The following REXO5 variants were observed in gnomAD, a reference collection of about 807,000 sequenced individuals.
REXO5 encodes RNA exonuclease 5.
In REXO5, 48 loss-of-function variants were observed where a neutral mutation model predicts 88.5. The ratio of observed to expected loss-of-function variants is 0.54; its 90% confidence interval spans 0.43 to 0.69. REXO5 has a LOEUF of 0.69. Ranked by LOEUF, REXO5 falls within the 30% of genes least tolerant of loss-of-function variation. The pLI is 0.00. For missense variants in REXO5, 749 were observed against 912.2 expected (o/e 0.82, Z 2.30); for synonymous variants, 311 against 336.5 (o/e 0.92, Z 0.83).
Position 20,827,088 on chromosome 16 carries a change from C to T in REXO5, c.852C>T (p.Asn284=). Residue 284 remains asparagine (N), a synonymous_variant, in exon 9 of 20, where the codon AAC becomes AAT. Transcript: ENST00000261377. The part of the protein sequence containing the change: ...SFSGITKKIL[N]PVTTKLKDVQ... ...CGGGAATCACGAAGAAGATTCTTAA[C>T]CCAGTGACGACCAAACTCAAAGATG... 6.2e-7 allele frequency: 1 copy of T among 1,613,954 alleles called. No individual in the cohort carries two copies. Among genetic ancestry groups the T allele is most frequent in the Non-Finnish European group, 8.5e-7 (1 of 1,179,944 alleles).
intron 2 of REXO5, among the ~76,000 whole-genome samples, chr16:20,811,943 G>A (rs984122939): frequency 6.6e-6 from 1 of 152,132 alleles, no homozygotes; most frequent in African/African-American, 2.4e-5. Flanking sequence ...GAAAGGCTAT[G>A]GCACTGGTCC....
At chr16:20,820,552 T>A (rs1196180732) in intron 5 of REXO5, among the ~76,000 whole-genome samples, 55 of 46,848 alleles carry the variant, frequency 1.2e-3, no homozygotes, top group African/African-American at 2.4e-3. Context: ...ATATTTTTTT[T>A]TTTTTTTTTT....
At chr16:20,843,341 G>C (rs1438833705) in intron 15 of REXO5, among the ~76,000 whole-genome samples, 1 of 152,132 alleles carries the variant, frequency 6.6e-6, no homozygotes, top group East Asian at 1.9e-4. Context: ...TGACACTGCT[G>C]TTAGTGTCCT....
intron 13 of REXO5, 104 bp downstream of exon 13, chr16:20,833,227 C>A: frequency 8.2e-7 from 1 of 1,219,124 alleles, no homozygotes; most frequent in Non-Finnish European, 1.1e-6. Flanking sequence ...GCAACCCTGG[C>A]TACAGTTAGC....
chr16:20,844,174 C>A, intron 16 of REXO5, 148 bp downstream of exon 16: 1 of 597,314 alleles, frequency 1.7e-6, no homozygotes. Flanking sequence ...CTAACATTCT[C>A]CTACTGGCAG....
intron 13 of REXO5, among the ~76,000 whole-genome samples, chr16:20,835,370 T>G (rs1267241528): frequency 6.6e-6 from 1 of 152,186 alleles, no homozygotes; most frequent in Non-Finnish European, 1.5e-5. Context: ...AAAACCATAC[T>G]AAGTACTTAA....
Position 20,811,061 on chromosome 16 carries a change from C to T in REXO5, c.139-2129C>T, listed in dbSNP as rs140217216. 2.0e-3 allele frequency among the ~76,000 whole-genome samples: 302 copies of T among 152,202 alleles called. 2 individuals are homozygous for T. Among genetic ancestry groups the T allele is most frequent in the African/African-American group, 6.9e-3 (288 of 41,526 alleles). On this transcript the variant is annotated intron_variant, in intron 2 of 19. Transcript: ENST00000261377. Reference sequence around the variant, plus strand: ...CCTCCCTTCCTTCCTGTATGGGTGACGTCCTTGTGCTGCTGAGGCTTTGAC... The same window carrying T: ...CCTCCCTTCCTTCCTGTATGGGTGATGTCCTTGTGCTGCTGAGGCTTTGAC...
At position 20,845,133 on chromosome 16, in the gene REXO5, C is replaced by G. The variant is rs1286317931; in HGVS notation, c.2016C>G (p.Ala672=). The G allele has an allele frequency of 8.7e-6, 14 of 1,614,020 alleles. No homozygotes were observed. The highest frequency in any genetic ancestry group is 9.3e-6 in the Non-Finnish European group (11 of 1,180,022). The part of the protein sequence containing the change: ...GKDWKLKGRH[A]LTPRHLHAWL... ...ACTGGAAGCTGAAAGGCAGGCATGC[C>G]CTAACCCCCAGGCACCTCCATGCCT... is the stretch of plus-strand genomic sequence containing the variant. The change falls in exon 18 of 20, where the codon GCC becomes GCG. Residue 672 remains alanine (A), a synonymous_variant. Transcript: ENST00000261377.
Position 20,827,096 on chromosome 16 carries a change from C to A in REXO5, c.860C>A (p.Thr287Lys), listed in dbSNP as rs374659309. 6.2e-7 allele frequency: 1 copy of A among 1,613,934 alleles called. No individual in the cohort carries two copies. The highest frequency in any genetic ancestry group is 1.7e-5 in the Admixed American group (1 of 60,010). ...ACGAAGAAGATTCTTAACCCAGTGA[C>A]GACCAAACTCAAAGATGTACAGAGG... ...GITKKILNPV[T>K]TKLKDVQRQL... Residue 287 changes from threonine (T) to lysine (K), a missense_variant, in exon 9 of 20, where the codon ACG becomes AAG. Transcript: ENST00000261377.
In REXO5 at chr16:20,828,522, G is replaced by A. The variant is rs775129445; in HGVS notation, c.1143G>A (p.Lys381=). ...TILELARYFL[K]HGPKKIAELN... Reference sequence around the variant, plus strand: ...TTGAATTGGCTCGGTATTTCCTTAAGCATGGCCCAAAAAAGGTTAGTATCT... The same window carrying A: ...TTGAATTGGCTCGGTATTTCCTTAAACATGGCCCAAAAAAGGTTAGTATCT... Residue 381 remains lysine, a synonymous_variant, in exon 11 of 20, where the codon AAG becomes AAA. Transcript: ENST00000261377. 1.2e-5 allele frequency: 20 copies of A among 1,613,114 alleles called. No homozygotes were observed. The highest frequency in any genetic ancestry group is 1.6e-4 in the Middle Eastern group (1 of 6,082).
At chr16:20,836,363 A>G (rs182097261) in intron 13 of REXO5, among the ~76,000 whole-genome samples, 3 of 152,308 alleles carry the variant, frequency 2.0e-5, no homozygotes. Context: ...AGAAAGTCAC[A>G]TAGTTGGAAT....
intron 7 of REXO5, chr16:20,825,624 A>G (rs991380077): frequency 3.8e-6 from 2 of 529,008 alleles, no homozygotes; most frequent in African/African-American, 3.8e-5. Flanking sequence ...CTTTGTGCAG[A>G]CTACACTGTG....
chr16:20,807,160 CG>C (rs1395148810), intron 2 of REXO5, 69 bp downstream of exon 2: 13 of 1,523,772 alleles, frequency 8.5e-6, no homozygotes, highest in Non-Finnish European at 1.1e-5. Context: ...GCCCAACCGC[CG>C]TCGGGGGCAC....
intron 14 of REXO5, 121 bp from the exon 15 acceptor site, chr16:20,840,210 G>C (rs931979814): frequency 2.4e-6 from 2 of 818,574 alleles, no homozygotes; most frequent in Non-Finnish European, 1.8e-6. Flanking sequence ...GAACATCCTT[G>C]GACATTTGGC....
At chr16:20,844,925 C>T in intron 17 of REXO5, 80 bp downstream of exon 17, 1 of 1,540,932 alleles carries the variant, frequency 6.5e-7, no homozygotes, top group Non-Finnish European at 8.9e-7. Flanking sequence ...AAGGAAGATT[C>T]ACCTCCTGGG....
At chr16:20,818,563 G>C (rs1338339562) in intron 5 of REXO5, among the ~76,000 whole-genome samples, 4 of 152,160 alleles carry the variant, frequency 2.6e-5, no homozygotes, top group African/African-American at 9.7e-5. Context: ...CTGCCACCTG[G>C]GTTCAAGCGA....
Position 20,807,096 on chromosome 16 carries a change from G to A in REXO5, c.138+5G>A. On this transcript the variant is annotated splice_donor_5th_base_variant and intron_variant, in intron 2 of 19. Coordinates refer to ENST00000261377, the MANE Select transcript of REXO5 (RefSeq NM_030941.3). Reference sequence around the variant, plus strand: ...GAGAGTCAGCCCGAGGCCAAGGTGAGCAACGGGGATCCCGAGCAGGCGGCC... The same window carrying A: ...GAGAGTCAGCCCGAGGCCAAGGTGAACAACGGGGATCCCGAGCAGGCGGCC... The A allele has an allele frequency of 6.2e-7, 1 of 1,600,262 alleles. No individual in the cohort carries two copies.
In REXO5 at chr16:20,807,037, A is replaced by T; in HGVS notation, c.84A>T (p.Ala28=). The change falls in exon 2 of 20, where the codon GCA becomes GCT. Residue 28 remains alanine, a synonymous_variant. Transcript: ENST00000261377. ...SRQAPNKLVG[A]AEAMKAGWDL... is the part of the protein sequence containing the mutation. Reference sequence around the variant, plus strand: ...AGGCCCCAAATAAGCTGGTCGGGGCAGCTGAGGCGATGAAAGCCGGTTGGG... The same window carrying T: ...AGGCCCCAAATAAGCTGGTCGGGGCTGCTGAGGCGATGAAAGCCGGTTGGG... 1 of 1,604,082 alleles carries T rather than the reference A, an allele frequency of 6.2e-7. No homozygotes were observed.
At chr16:20,824,060 TAC>T (rs1224234621) in intron 6 of REXO5, among the ~76,000 whole-genome samples, 1 of 152,236 alleles carries the variant, frequency 6.6e-6, no homozygotes, top group East Asian at 1.9e-4. Context: ...AGATGCCACA[TAC>T]AGTTATTTGC....
Sources: allele counts gnomAD v4.1 joint callset (sites outside exome capture counted in the v4.1 genomes callset), GRCh38; gene constraint gnomAD v4.1.1; transcripts MANE v1.5; gene names NCBI Gene and HGNC (gene_info 2026-07-23, HGNC 2026-07-21).